The following EPHA5 variants were observed in gnomAD, a reference collection of about 807,000 sequenced individuals.
The protein encoded by EPHA5 is EPH receptor A5.
In EPHA5, 60 loss-of-function variants were observed where a neutral mutation model predicts 105.0. The ratio of observed to expected loss-of-function variants is 0.57; its 90% confidence interval spans 0.46 to 0.71. The LOEUF (loss-of-function observed/expected upper bound fraction) is 0.71, where lower values mean the gene tolerates loss of function less well. Among genes scored for constraint, EPHA5 ranks in the 30% least tolerant of loss-of-function variants. The pLI, the probability that EPHA5 is intolerant of heterozygous loss-of-function variation, is 0.00. For synonymous variants in EPHA5, 513 were observed against 449.1 expected, an observed-to-expected ratio of 1.14 and a Z score of -1.80; for missense variants, 1,218 against 1,274.7, an observed-to-expected ratio of 0.96 and a Z score of 0.68.
At chr4:65,403,552 G>A (rs1009826616) in intron 8 of EPHA5, among the ~76,000 whole-genome samples, 1 of 151,710 alleles carries the variant, frequency 6.6e-6, no homozygotes, top group Admixed American at 6.6e-5. Context: ...GTGAAACTAT[G>A]TTTATTGTAG....
chr4:65,572,493 A>G (rs1740292783), intron 3 of EPHA5, among the ~76,000 whole-genome samples: 1 of 152,158 alleles, frequency 6.6e-6, no homozygotes, highest in African/African-American at 2.4e-5. Flanking sequence ...GTCATCTACA[A>G]AATAAATGGA....
intron 2 of EPHA5, among the ~76,000 whole-genome samples, chr4:65,614,638 A>G (rs2149464666): frequency 6.6e-6 from 1 of 152,008 alleles, no homozygotes; most frequent in African/African-American, 2.4e-5. Flanking sequence ...TGCTAAATAT[A>G]GGCTAATGCT....
intron 3 of EPHA5, among the ~76,000 whole-genome samples, chr4:65,534,204 T>C (rs1404794781): frequency 6.6e-6 from 1 of 152,162 alleles, no homozygotes; most frequent in Non-Finnish European, 1.5e-5. Flanking sequence ...ATTGTGTTTT[T>C]TGGGTAAAAT....
At chr4:65,531,204 A>C (rs1578351368) in intron 3 of EPHA5, among the ~76,000 whole-genome samples, 2 of 145,594 alleles carry the variant, frequency 1.4e-5, no homozygotes, top group African/African-American at 5.1e-5. Context: ...CGCCCGGCTA[A>C]TTTTTTGTAT....
intron 5 of EPHA5, among the ~76,000 whole-genome samples, chr4:65,484,491 A>G (rs1450030825): frequency 5.9e-5 from 9 of 152,134 alleles, no homozygotes; most frequent in Non-Finnish European, 1.2e-4. Flanking sequence ...CATGCCCTCC[A>G]AGGTAAGGTG....
intron 11 of EPHA5, among the ~76,000 whole-genome samples, chr4:65,360,338 G>A (rs923902401): frequency 1.3e-5 from 2 of 151,646 alleles, no homozygotes; most frequent in Non-Finnish European, 2.9e-5. Context: ...TAGGTGATCA[G>A]CTAGTATTTT....
At chr4:65,415,603 C>G (rs907303463) in intron 6 of EPHA5, among the ~76,000 whole-genome samples, 2 of 151,886 alleles carry the variant, frequency 1.3e-5, no homozygotes, top group Non-Finnish European at 2.9e-5. Flanking sequence ...AGCCAAATAG[C>G]ACATTTTCTG....
intron 3 of EPHA5, among the ~76,000 whole-genome samples, chr4:65,539,161 A>G (rs1229986020): frequency 2.0e-5 from 3 of 151,622 alleles, no homozygotes; most frequent in Non-Finnish European, 3.0e-5. Flanking sequence ...TAAAATGGGG[A>G]AAAAAGTTTC....
At chr4:65,515,319 C>T (rs768179192) in intron 3 of EPHA5, among the ~76,000 whole-genome samples, 11 of 152,094 alleles carry the variant, frequency 7.2e-5, no homozygotes, top group Non-Finnish European at 1.5e-4. Context: ...ATTGCTTTGG[C>T]TCATCCAGTT....
At chr4:65,511,267 C>G (rs1578294368) in intron 3 of EPHA5, among the ~76,000 whole-genome samples, 1 of 152,262 alleles carries the variant, frequency 6.6e-6, no homozygotes, top group East Asian at 1.9e-4. Context: ...GGTATGGTAT[C>G]AACTAAGTTA....
At chr4:65,649,263 C>T (rs1748388804) in intron 1 of EPHA5, among the ~76,000 whole-genome samples, 1 of 152,178 alleles carries the variant, frequency 6.6e-6, no homozygotes, top group Non-Finnish European at 1.5e-5. Context: ...TTGTTTCCTG[C>T]AGCCAAGTCA....
intron 3 of EPHA5, among the ~76,000 whole-genome samples, chr4:65,511,402 G>A (rs1226574986): frequency 6.6e-6 from 1 of 152,160 alleles, no homozygotes; most frequent in African/African-American, 2.4e-5. Context: ...ATCTGTGTGT[G>A]ATGACTAGTT....
intron 5 of EPHA5, among the ~76,000 whole-genome samples, chr4:65,472,136 G>T (rs970820145): frequency 6.6e-6 from 1 of 152,100 alleles, no homozygotes; most frequent in Non-Finnish European, 1.5e-5. Flanking sequence ...GAAATTGACC[G>T]AACGAAGGGG....
At position 65,617,005 on chromosome 4, in the gene EPHA5, T is replaced by C. The variant is rs183548480; in HGVS notation, c.247-14701A>G. On this transcript the variant is annotated intron_variant, in intron 2 of 16. Transcript: ENST00000613740. The stretch of plus-strand genomic sequence containing the variant: ...TATAGAAAAGCGATACAGTAAATTA[T>C]ACTATTTGGTTTTATATAATATTTC... Among the ~76,000 whole-genome samples the C allele has an allele frequency of 2.0e-4, 30 of 152,228 alleles. 1 individual carries two copies. Among genetic ancestry groups the C allele is most frequent in the African/African-American group, 5.5e-4 (23 of 41,578 alleles).
intron 16 of EPHA5, 92 bp from the exon 17 acceptor site, chr4:65,324,311 C>A (rs1167067890): frequency 7.6e-6 from 6 of 792,484 alleles, no homozygotes; most frequent in South Asian, 3.2e-5. Context: ...ATAGTGCAGA[C>A]ACTAGTTAGA....
chr4:65,573,901 G>A, intron 3 of EPHA5: 1 of 1,611,030 alleles, frequency 6.2e-7, no homozygotes, highest in Non-Finnish European at 8.5e-7. Context: ...ATTACCCCCG[G>A]GACCATTCTG....
chr4:65,330,503 A>G (rs1188648501), intron 16 of EPHA5: 5 of 334,938 alleles, frequency 1.5e-5, no homozygotes, highest in African/African-American at 2.2e-5. Context: ...GCAAAAATGT[A>G]GTAGATGTAA....
chr4:65,343,754 G>T (rs983510797), intron 14 of EPHA5, among the ~76,000 whole-genome samples: 4 of 152,128 alleles, frequency 2.6e-5, no homozygotes, highest in African/African-American at 9.7e-5. Context: ...ATTGGACATT[G>T]TATTATAGAC....
intron 3 of EPHA5, among the ~76,000 whole-genome samples, chr4:65,533,042 A>G (rs1040589106): frequency 6.6e-6 from 1 of 152,048 alleles, no homozygotes; most frequent in Non-Finnish European, 1.5e-5. Context: ...ACACTCAGTC[A>G]AACTTTCCAT....
Sources: allele counts gnomAD v4.1 joint callset (sites outside exome capture counted in the v4.1 genomes callset), GRCh38; gene constraint gnomAD v4.1.1; transcripts MANE v1.5; gene names NCBI Gene and HGNC (gene_info 2026-07-23, HGNC 2026-07-21).